Variants in C1GALT1 observed in about 807,000 individuals in gnomAD.
C1GALT1 encodes the protein glycoprotein-N-acetylgalactosamine 3-beta-galactosyltransferase 1.
In C1GALT1, 11 loss-of-function variants were observed where a neutral mutation model predicts 31.0. That is an observed-to-expected ratio of 0.36 (90% confidence interval 0.22 to 0.59). C1GALT1 has a LOEUF of 0.59. C1GALT1 is among the 20% of genes least tolerant of loss of function. The probability of loss-of-function intolerance (pLI) is 0.79; values close to 1 mark genes in which losing one functional copy is unlikely to be tolerated. For missense variants in C1GALT1, 424 were observed against 425.2 expected, an observed-to-expected ratio of 1.00 and a Z score of 0.03; for synonymous variants, 175 against 143.6, an observed-to-expected ratio of 1.22 and a Z score of -1.56.
Position 7,213,186 on chromosome 7 carries a change from T to G in C1GALT1, c.-17-21117T>G, listed in dbSNP as rs142445599. On this transcript the variant is annotated intron_variant, in intron 1 of 3. Transcript: ENST00000436587. ...TTCAGTGTTACAATCTTCAAAGCTA[T>G]TAAAAACCTGCAGTTAAAGTCCTTA... 3.7e-3 allele frequency among the ~76,000 whole-genome samples: 561 copies of G among 152,270 alleles called. 5 individuals are homozygous for G. The highest frequency in any genetic ancestry group is 0.013 in the African/African-American group (532 of 41,552).
At chr7:7,235,492 G>A (rs892289971) in intron 2 of C1GALT1, among the ~76,000 whole-genome samples, 1 of 152,194 alleles carries the variant, frequency 6.6e-6, no homozygotes, top group Non-Finnish European at 1.5e-5. Flanking sequence ...CAAGTGCTCT[G>A]TGTTCCTACA....
intron 1 of C1GALT1, among the ~76,000 whole-genome samples, chr7:7,232,497 GTT>G (rs72339945): frequency 0.03 from 4,037 of 134,922 alleles, 155 homozygotes; most frequent in African/African-American, 0.11. Flanking sequence ...TTTTTTTTTT[GTT>G]TTTTTTTTTT....
At chr7:7,183,568 C>G in intron 1 of C1GALT1, 4 of 984,940 alleles carry the variant, frequency 4.1e-6, no homozygotes, top group Non-Finnish European at 4.8e-6. Context: ...TAGGTGTTGA[C>G]AAGTTGTCCA....
intron 1 of C1GALT1, among the ~76,000 whole-genome samples, chr7:7,187,881 A>G (rs568395612): frequency 6.6e-6 from 1 of 152,212 alleles, no homozygotes; most frequent in African/African-American, 2.4e-5. Flanking sequence ...GCTCTAGGTC[A>G]TAGCCTTTAT....
intron 1 of C1GALT1, among the ~76,000 whole-genome samples, chr7:7,184,608 C>T (rs1369042119): frequency 3.3e-5 from 5 of 152,268 alleles, no homozygotes; most frequent in South Asian, 2.1e-4. Flanking sequence ...ATTAAAATTG[C>T]ATTATGCAGT....
intron 1 of C1GALT1, among the ~76,000 whole-genome samples, chr7:7,204,121 T>G (rs1246496948): frequency 6.7e-6 from 1 of 150,092 alleles, no homozygotes; most frequent in Non-Finnish European, 1.5e-5. Context: ...GTTTTTTTGT[T>G]TTTTTTTTTG....
At chr7:7,161,601 C>A (rs1394098926) in intron 2 of C1GALT1, among the ~76,000 whole-genome samples, 1 of 152,048 alleles carries the variant, frequency 6.6e-6, no homozygotes, top group Non-Finnish European at 1.5e-5. Flanking sequence ...ACCAGCACAA[C>A]CACTAGAAAA....
At chr7:7,205,040 C>T (rs890277425) in intron 1 of C1GALT1, among the ~76,000 whole-genome samples, 2 of 152,102 alleles carry the variant, frequency 1.3e-5, no homozygotes, top group African/African-American at 4.8e-5. Flanking sequence ...GTCTGTTAGA[C>T]CAAGTTGGTT....
At chr7:7,237,836 C>A (rs538274119) in intron 2 of C1GALT1, among the ~76,000 whole-genome samples, 1 of 152,228 alleles carries the variant, frequency 6.6e-6, no homozygotes, top group South Asian at 2.1e-4. Flanking sequence ...TGGCTGCTTT[C>A]TTTTATGAAG....
At chr7:7,171,126 G>T (rs563450328) in intron 2 of C1GALT1, among the ~76,000 whole-genome samples, 2 of 152,152 alleles carry the variant, frequency 1.3e-5, no homozygotes, top group South Asian at 4.1e-4. Context: ...GTTAGGTCTA[G>T]TTGGCTTATT....
intron 1 of C1GALT1, among the ~76,000 whole-genome samples, chr7:7,231,245 T>A (rs553575214): frequency 6.6e-6 from 1 of 152,202 alleles, no homozygotes; most frequent in Non-Finnish European, 1.5e-5. Context: ...CCTTTGAAGT[T>A]TTTTTTTCTG....
At chr7:7,241,251 TTAAC>T (rs1348715638) in intron 3 of C1GALT1, among the ~76,000 whole-genome samples, 5 of 152,016 alleles carry the variant, frequency 3.3e-5, no homozygotes, top group African/African-American at 9.7e-5. Flanking sequence ...TTTTAAATTG[TTAAC>T]TAATTATTCT....
upstream of C1GALT1, among the ~76,000 whole-genome samples, chr7:7,181,467 A>T (rs555047580): frequency 1.3e-4 from 20 of 152,364 alleles, no homozygotes; most frequent in East Asian, 3.7e-3. Context: ...CTGAAAAATG[A>T]GACATCTGTA....
At chr7:7,161,199 A>T (rs1482562203) in intron 2 of C1GALT1, among the ~76,000 whole-genome samples, 1 of 152,124 alleles carries the variant, frequency 6.6e-6, no homozygotes, top group Non-Finnish European at 1.5e-5. Context: ...AACCATCCTT[A>T]CCAAAGACAG....
chr7:7,196,341 G>T (rs934336680), intron 1 of C1GALT1, among the ~76,000 whole-genome samples: 3 of 151,714 alleles, frequency 2.0e-5, no homozygotes, highest in Non-Finnish European at 2.9e-5. Context: ...GCGATGGTTT[G>T]CTCAGAATGA....
chr7:7,188,139 T>C (rs1270106763), intron 1 of C1GALT1, among the ~76,000 whole-genome samples: 1 of 152,112 alleles, frequency 6.6e-6, no homozygotes, highest in Admixed American at 6.5e-5. Context: ...ATTAGAATAA[T>C]ATTTAGGAAG....
In C1GALT1 at chr7:7,243,609, A is replaced by G. The variant is rs1562601908; in HGVS notation, c.974A>G (p.His325Arg). Residue 325 changes from histidine (H) to arginine (R), a missense_variant, in exon 4 of 4, where the codon CAT (histidine) becomes CGT (arginine). Coordinates refer to ENST00000436587, the MANE Select transcript of C1GALT1 (RefSeq NM_020156.5). The part of the protein sequence containing the change: ...TMYELEYLVY[H>R]LRPYGYLYRY... Reference sequence around the variant, plus strand: ...TATGAGTTAGAATACCTCGTTTATCATCTTCGTCCATATGGTTATTTATAC... The same window carrying G: ...TATGAGTTAGAATACCTCGTTTATCGTCTTCGTCCATATGGTTATTTATAC... The G allele has an allele frequency of 1.2e-6, 2 of 1,612,726 alleles. No individual in the cohort carries two copies. Among genetic ancestry groups the G allele is most frequent in the Middle Eastern group, 1.7e-4 (1 of 5,970 alleles).
chr7:7,203,498 T>A (rs1178432545), intron 1 of C1GALT1, among the ~76,000 whole-genome samples: 1 of 152,188 alleles, frequency 6.6e-6, no homozygotes, highest in Non-Finnish European at 1.5e-5. Flanking sequence ...GTGTATTGCC[T>A]TGATTGATTT....
chr7:7,194,308 G>A (rs969079572), intron 1 of C1GALT1, among the ~76,000 whole-genome samples: 2 of 152,032 alleles, frequency 1.3e-5, no homozygotes, highest in African/African-American at 4.8e-5. Flanking sequence ...TTAGCTGTAG[G>A]TTTGTCATAG....
Sources: allele counts gnomAD v4.1 joint callset (sites outside exome capture counted in the v4.1 genomes callset), GRCh38; gene constraint gnomAD v4.1.1; transcripts MANE v1.5; gene names NCBI Gene and HGNC (gene_info 2026-07-23, HGNC 2026-07-21).